The following EIF2S3 variants were observed in gnomAD, a reference collection of about 807,000 sequenced individuals.
EIF2S3 encodes the protein eukaryotic translation initiation factor 2 subunit 3.
In EIF2S3, 2 loss-of-function variants were observed where a neutral mutation model predicts 31.7. The observed-to-expected ratio is 0.06, with a 90% CI of 0.03 to 0.20. EIF2S3 has a LOEUF of 0.20. Ranked by LOEUF, EIF2S3 falls within the 10% of genes least tolerant of loss-of-function variation. The pLI, the probability that EIF2S3 is intolerant of heterozygous loss-of-function variation, is 1.00. For synonymous variants in EIF2S3, 120 were observed against 126.7 expected, an observed-to-expected ratio of 0.95 and a Z score of 0.36; for missense variants, 96 against 359.3, an observed-to-expected ratio of 0.27 and a Z score of 5.92.
intron 9 of EIF2S3, among the ~76,000 whole-genome samples, chrX:24,070,548 C>T (rs1225286300): frequency 2.2e-5 from 2 of 91,827 alleles, no homozygotes; most frequent in African/African-American, 8.3e-5. Context: ...TCAAGTGATT[C>T]TCCTGCGTTA....
At chrX:24,056,445 A>G (rs1192896338) in intron 2 of EIF2S3, among the ~76,000 whole-genome samples, 2 of 112,274 alleles carry the variant, frequency 1.8e-5, no homozygotes, top group Admixed American at 9.5e-5. Flanking sequence ...CAATAATTTG[A>G]TCAACGGAAC....
chrX:24,056,999 G>A (rs1797553056), intron 2 of EIF2S3, among the ~76,000 whole-genome samples: 1 of 110,301 alleles, frequency 9.1e-6, no homozygotes, highest in Admixed American at 1.0e-4. Context: ...GATATTTACA[G>A]CAAGTTATGG....
At chrX:24,055,076 G>A in intron 1 of EIF2S3, 39 bp downstream of exon 1, 1 of 1,188,562 alleles carries the variant, frequency 8.4e-7, no homozygotes, top group South Asian at 1.8e-5. Flanking sequence ...GTGAGCTCAG[G>A]AGTGGAGGTG....
chrX:24,061,401 A>G (rs1265417649), intron 5 of EIF2S3, among the ~76,000 whole-genome samples: 1 of 109,000 alleles, frequency 9.2e-6, no homozygotes, highest in African/African-American at 3.3e-5. Context: ...TCTATTAAAA[A>G]TACGAAAATT....
At position 24,077,073 on chromosome X, in the gene EIF2S3, TTTTG is replaced by T. The variant is rs754187586; in HGVS notation, c.*296_*299del. 9.6e-6 allele frequency: 2 copies of T among 207,502 alleles called. No individual in the cohort carries two copies. Among genetic ancestry groups the T allele is most frequent in the African/African-American group, 3.0e-5 (1 of 33,209 alleles). The allele number at this position is 207,502 out of a possible 1,213,427, so 17.1% of individuals were successfully genotyped here. ...AATTATACATCATGCAGTTCTGTTT[TTTTG>T]TTTGTTTTATTTTGTTTTGTTTTTG... On this transcript the variant is annotated 3_prime_UTR_variant, in exon 12 of 12. Coordinates refer to ENST00000253039, the MANE Select transcript of EIF2S3 (RefSeq NM_001415.4).
intron 5 of EIF2S3, among the ~76,000 whole-genome samples, chrX:24,060,948 CAAAAAAAA>C (rs35873085): frequency 4.1e-5 from 1 of 24,320 alleles, no homozygotes; most frequent in Non-Finnish European, 6.3e-5. Flanking sequence ...AACTACATCT[CAAAAAAAA>C]AAAAAAAAAA....
At chrX:24,076,307 G>A (rs1318378582) in intron 11 of EIF2S3, among the ~76,000 whole-genome samples, 4 of 111,194 alleles carry the variant, frequency 3.6e-5, no homozygotes, top group Non-Finnish European at 7.5e-5. Context: ...CGAGGTGGGC[G>A]GATCACTTGA....
chrX:24,060,191 C>G lies in EIF2S3; in HGVS notation c.478+9C>G, dbSNP rs1267904044. ...AGCTCTTCTGTTGATAGGTAAATAC[C>G]TCACAATTGGTTTGGACAAATCAAT... On this transcript the variant is annotated intron_variant, in intron 5 of 11. Coordinates refer to ENST00000253039, the MANE Select transcript of EIF2S3 (RefSeq NM_001415.4). 1.3e-5 allele frequency: 15 copies of G among 1,183,823 alleles called. No individual in the cohort carries two copies. Among genetic ancestry groups the G allele is most frequent in the Non-Finnish European group, 1.7e-5 (15 of 871,424 alleles).
chrX:24,076,349 T>C (rs1930752811), intron 11 of EIF2S3, among the ~76,000 whole-genome samples: 1 of 110,658 alleles, frequency 9.0e-6, no homozygotes, highest in Non-Finnish European at 1.9e-5. Context: ...CTGGCCGACA[T>C]AGTGAAACCC....
chrX:24,067,835 G>A lies in EIF2S3; in HGVS notation c.868-129G>A, dbSNP rs1362105674. ...ACTCCTGACCTCAGGTGATCCACCC[G>A]CCTCGGCCTCCCAAAATGCTAGGAT... On this transcript the variant is annotated intron_variant, in intron 8 of 11. Transcript: ENST00000253039. The A allele has an allele frequency of 1.9e-5, 14 of 720,905 alleles. No homozygotes were observed. The Admixed American group carries it at 2.1e-4, about 11-fold the overall frequency. 59.4% of individuals were successfully genotyped at this position (720,905 alleles called of 1,213,427 possible). A position where few individuals can be genotyped will look rare whatever the true frequency, so the allele number is the denominator to read the frequency against.
chrX:24,069,679 T>G (rs1930633471), intron 9 of EIF2S3, among the ~76,000 whole-genome samples: 1 of 96,836 alleles, frequency 1.0e-5, no homozygotes, highest in Admixed American at 1.3e-4. Flanking sequence ...AGGAACTTTT[T>G]TAATTTCTTT....
intron 9 of EIF2S3, 62 bp from the exon 10 acceptor site, chrX:24,071,496 T>C (rs1315989049): frequency 4.5e-6 from 5 of 1,120,209 alleles, no homozygotes; most frequent in Non-Finnish European, 6.0e-6. Context: ...GGCCAACTAA[T>C]TCACTTTATA....
intron 9 of EIF2S3, among the ~76,000 whole-genome samples, chrX:24,070,432 A>T (rs1373196035): frequency 2.2e-5 from 2 of 92,635 alleles, no homozygotes; most frequent in African/African-American, 8.2e-5. Context: ...CCCAGGAATC[A>T]TATGTAGTTT....
rs1212392699 is a variant in EIF2S3 at position 24,057,707 on chromosome X, G to C, written c.336G>C (p.Glu112Asp). The C allele has an allele frequency of 8.3e-7, 1 of 1,209,945 alleles. No homozygotes were observed. The highest frequency in any genetic ancestry group is 1.7e-5 in the African/African-American group (1 of 57,350). ...YRSCGSSTPD[E>D]FPTDIPGTKG... The stretch of plus-strand genomic sequence containing the variant: ...CTTGTGGGAGCAGTACACCTGACGA[G>C]TTTCCTACGGACATTCCAGGGACCA... Residue 112 changes from glutamate (E) to aspartate (D), a missense_variant, in exon 4 of 12, where the codon GAG becomes GAC. Physicochemically the swap from Glu to Asp is conservative, Grantham distance 45. This residue lies in a region of EIF2S3 where 22 missense variants were observed against 34.5 expected (regional missense o/e 0.64). Coordinates refer to ENST00000253039, the MANE Select transcript of EIF2S3 (RefSeq NM_001415.4).
In EIF2S3 at chrX:24,076,890, G is replaced by T; in HGVS notation, c.*105G>T. On this transcript the variant is annotated 3_prime_UTR_variant, in exon 12 of 12. Transcript: ENST00000253039. ...GCAATATTGGGGAATTGATTTCACA[G>T]TTCGTTACCTTAGTAGGTAACGGTA... The T allele has an allele frequency of 9.1e-6, 4 of 440,610 alleles. No individual in the cohort carries two copies. Among genetic ancestry groups the T allele is most frequent in the Non-Finnish European group, 7.0e-6 (2 of 285,924 alleles). 36.3% of individuals were successfully genotyped at this position (440,610 alleles called of 1,213,427 possible).
At chrX:24,062,072 A>C (rs1930500880) in intron 5 of EIF2S3, among the ~76,000 whole-genome samples, 1 of 111,523 alleles carries the variant, frequency 9.0e-6, no homozygotes. Flanking sequence ...CTCCTTTATT[A>C]GATGCCAACT....
intron 9 of EIF2S3, among the ~76,000 whole-genome samples, chrX:24,071,131 A>G (rs141520270): frequency 0.012 from 1,374 of 111,495 alleles, 31 homozygotes; most frequent in African/African-American, 0.042. Context: ...TGAGTATAAA[A>G]ATAAAAGTAT....
At chrX:24,064,712 C>T (rs1320032557) in intron 7 of EIF2S3, among the ~76,000 whole-genome samples, 1 of 111,399 alleles carries the variant, frequency 9.0e-6, no homozygotes. Flanking sequence ...GCCTGTAATC[C>T]CAGCTACTCG....
chrX:24,071,027 C>G (rs181750255), intron 9 of EIF2S3, among the ~76,000 whole-genome samples: 7 of 111,232 alleles, frequency 6.3e-5, no homozygotes, highest in Admixed American at 1.9e-4. Context: ...TCAAGAGAAT[C>G]GTTCTGTTCT....
Sources: allele counts gnomAD v4.1 joint callset (sites outside exome capture counted in the v4.1 genomes callset), GRCh38; gene constraint gnomAD v4.1.1; regional missense constraint gnomAD v4.1.1; transcripts MANE v1.5; gene names NCBI Gene and HGNC (gene_info 2026-07-23, HGNC 2026-07-21).